ZNF236: variants seen among roughly 807,000 people sequenced by gnomAD.
The protein encoded by ZNF236 is regulated by glucose.
Under a neutral mutation model 191.2 loss-of-function variants are expected in ZNF236, and 50 were observed. That is an observed-to-expected ratio of 0.26 (90% CI 0.21 to 0.33). ZNF236 has a LOEUF of 0.33. ZNF236 is among the 10% of genes least tolerant of loss of function. ZNF236 has a pLI of 1.00. For missense variants in ZNF236, 1,754 were observed against 2,374.5 expected (o/e 0.74, Z 5.43); for synonymous variants, 907 against 928.8 (o/e 0.98, Z 0.43).
intron 30 of ZNF236, among the ~76,000 whole-genome samples, chr18:76,961,129 A>G (rs1968656475): frequency 1.3e-5 from 2 of 151,996 alleles, no homozygotes; most frequent in South Asian, 4.2e-4. Context: ...ACTGCACCCT[A>G]TTTATAGTCT....
intron 27 of ZNF236, among the ~76,000 whole-genome samples, chr18:76,953,178 G>A (rs79581973): frequency 6.6e-6 from 1 of 152,132 alleles, no homozygotes; most frequent in African/African-American, 2.4e-5. Context: ...TTACTAAAAC[G>A]AATGAACTAA....
chr18:76,891,285 T>C (rs578004568), intron 9 of ZNF236, among the ~76,000 whole-genome samples: 1 of 152,260 alleles, frequency 6.6e-6, no homozygotes, highest in South Asian at 2.1e-4. Flanking sequence ...AGTTTGTCAA[T>C]GTTTAATGAC....
intron 9 of ZNF236, among the ~76,000 whole-genome samples, chr18:76,882,780 G>A (rs528407859): frequency 3.3e-5 from 5 of 152,222 alleles, no homozygotes; most frequent in South Asian, 4.2e-4. Context: ...AGTTTCTCCC[G>A]CACAGTTTCC....
chr18:76,831,030 T>C (rs2122393947), intron 1 of ZNF236, among the ~76,000 whole-genome samples: 1 of 152,330 alleles, frequency 6.6e-6, no homozygotes, highest in African/African-American at 2.4e-5. Context: ...GTTTCTCCTA[T>C]TGGTAACATC....
intron 9 of ZNF236, among the ~76,000 whole-genome samples, chr18:76,888,214 T>G (rs958237653): frequency 6.6e-6 from 1 of 151,984 alleles, no homozygotes; most frequent in South Asian, 2.1e-4. Flanking sequence ...TGCAAAAAAA[T>G]TAGCCGGGCA....
intron 1 of ZNF236, among the ~76,000 whole-genome samples, chr18:76,846,649 A>G (rs577571842): frequency 1.3e-5 from 2 of 152,312 alleles, no homozygotes; most frequent in South Asian, 4.1e-4. Flanking sequence ...GTCTGAACCA[A>G]ATTAATTCTG....
At chr18:76,941,807 A>G (rs1212379091) in intron 26 of ZNF236, among the ~76,000 whole-genome samples, 3 of 152,264 alleles carry the variant, frequency 2.0e-5, no homozygotes, top group Non-Finnish European at 4.4e-5. Context: ...GCATTGTCCA[A>G]CAAGTAATTT....
intron 1 of ZNF236, among the ~76,000 whole-genome samples, chr18:76,833,725 TTA>T (rs1246455705): frequency 2.0e-5 from 3 of 152,202 alleles, no homozygotes; most frequent in Non-Finnish European, 4.4e-5. Flanking sequence ...AAGTCTTCCT[TTA>T]TTTTCTTTTC....
At chr18:76,958,779 C>G (rs1464632309) in intron 28 of ZNF236, among the ~76,000 whole-genome samples, 1 of 152,194 alleles carries the variant, frequency 6.6e-6, no homozygotes, top group Non-Finnish European at 1.5e-5. Context: ...CCACTCACCT[C>G]CCGAGTTTGT....
chr18:76,941,776 A>G (rs189382981), intron 26 of ZNF236, among the ~76,000 whole-genome samples: 2 of 152,254 alleles, frequency 1.3e-5, no homozygotes, highest in African/African-American at 4.8e-5. Flanking sequence ...AAATTTTTAA[A>G]CCAAATTGAT....
chr18:76,896,479 C>A (rs1177145475), intron 10 of ZNF236, among the ~76,000 whole-genome samples: 1 of 150,240 alleles, frequency 6.7e-6, no homozygotes, highest in Non-Finnish European at 1.5e-5. Flanking sequence ...GTACCACACA[C>A]AAGTACAGCC....
At chr18:76,924,730 C>T (rs1967628788) in intron 21 of ZNF236, among the ~76,000 whole-genome samples, 1 of 152,172 alleles carries the variant, frequency 6.6e-6, no homozygotes, top group African/African-American at 2.4e-5. Flanking sequence ...CATATTCTCC[C>T]AGTGTGATGC....
intron 1 of ZNF236, among the ~76,000 whole-genome samples, chr18:76,823,507 G>A (rs1974927072): frequency 6.6e-6 from 1 of 152,118 alleles, no homozygotes; most frequent in Non-Finnish European, 1.5e-5. Flanking sequence ...GCATACAGTA[G>A]GCATCAGTGT....
intron 9 of ZNF236, 51 bp downstream of exon 9, chr18:76,881,563 GTT>G (rs776491955): frequency 1.3e-6 from 2 of 1,510,652 alleles, no homozygotes; most frequent in Non-Finnish European, 1.8e-6. Context: ...CATATTGCTG[GTT>G]TTTAAGAAAT....
intron 10 of ZNF236, among the ~76,000 whole-genome samples, chr18:76,898,474 A>G (rs1977499155): frequency 2.0e-5 from 3 of 152,258 alleles, no homozygotes; most frequent in Admixed American, 2.0e-4. Flanking sequence ...ATTTGCTGAT[A>G]AAATTGTAAA....
At chr18:76,962,695 G>T (rs1232323963) in intron 30 of ZNF236, among the ~76,000 whole-genome samples, 1 of 152,140 alleles carries the variant, frequency 6.6e-6, no homozygotes, top group Non-Finnish European at 1.5e-5. Context: ...ATGAGCATGG[G>T]ATGTGTTTCC....
intron 11 of ZNF236, among the ~76,000 whole-genome samples, chr18:76,901,564 C>T (rs1220201340): frequency 6.6e-6 from 1 of 152,144 alleles, no homozygotes; most frequent in African/African-American, 2.4e-5. Context: ...TTGAGACCAG[C>T]CTGGCCAACA....
intron 1 of ZNF236, among the ~76,000 whole-genome samples, chr18:76,844,589 A>G (rs1975620984): frequency 6.6e-6 from 1 of 152,242 alleles, no homozygotes; most frequent in Admixed American, 6.5e-5. Flanking sequence ...TGAAACTGTT[A>G]TATCTCTCAT....
intron 26 of ZNF236, among the ~76,000 whole-genome samples, chr18:76,937,890 A>G (rs764198810): frequency 2.6e-4 from 40 of 152,348 alleles, no homozygotes; most frequent in Non-Finnish European, 4.4e-4. Flanking sequence ...AATTAGGAAA[A>G]TCATAATGAT....
Sources: allele counts gnomAD v4.1 joint callset (sites outside exome capture counted in the v4.1 genomes callset), GRCh38; gene constraint gnomAD v4.1.1; transcripts MANE v1.5; gene names NCBI Gene and HGNC (gene_info 2026-07-23, HGNC 2026-07-21).